PRSS33: variants seen among roughly 807,000 people sequenced by gnomAD.
PRSS33 encodes serine protease 33.
In PRSS33, 32 loss-of-function variants were observed where a neutral mutation model predicts 26.7. The observed-to-expected ratio is 1.20, with a 90% CI of 0.90 to 1.61. PRSS33 has a LOEUF of 1.61. PRSS33 is among the 40% of genes most tolerant of loss of function. The pLI is 0.00. For missense variants in PRSS33, 450 were observed against 396.3 expected, an observed-to-expected ratio of 1.14 and a Z score of -1.15; for synonymous variants, 192 against 177.6, an observed-to-expected ratio of 1.08 and a Z score of -0.64.
At chr16:2,785,774 G>A (rs752284008) in intron 4 of PRSS33, 25 bp downstream of exon 4, 3 of 1,565,236 alleles carry the variant, frequency 1.9e-6, no homozygotes, top group Non-Finnish European at 2.6e-6. Flanking sequence ...TGCACACCCC[G>A]CCTGGGCCCT....
chr16:2,785,306 G>A (rs1283046635), intron 5 of PRSS33, 69 bp downstream of exon 5: 10 of 1,454,408 alleles, frequency 6.9e-6, no homozygotes, highest in Non-Finnish European at 8.1e-6. Flanking sequence ...GAGGGGCTGG[G>A]ATTTCCAGTC....
chr16:2,785,436 G>A lies in PRSS33; in HGVS notation c.453C>T (p.Gly151=). ...ATGGTGTGCCGGGCGGCGGGCGGGCGCCGGGCACGGGCAGGCAGACGGGTT... is the reference window on the plus strand; with the variant it reads ...ATGGTGTGCCGGGCGGCGGGCGGGCACCGGGCACGGGCAGGCAGACGGGTT... ...RVQPVCLPVP[G]ARPPPGTPCR... is the part of the protein sequence containing the mutation. Residue 151 remains glycine (G), a synonymous_variant, in exon 5 of 7, where the codon GGC becomes GGT. Transcript: ENST00000682474. The A allele has an allele frequency of 2.0e-6, 3 of 1,471,938 alleles. No individual in the cohort carries two copies. Among genetic ancestry groups the A allele is most frequent in the South Asian group, 1.3e-5 (1 of 75,686 alleles). The allele number at this position is 1,471,938 out of a possible 1,614,324, so 91.2% of individuals were successfully genotyped here. A position where few individuals can be genotyped will look rare whatever the true frequency, so the allele number is the denominator to read the frequency against.
chr16:2,786,155 A>G (rs969297587), intron 2 of PRSS33, 34 bp from the exon 3 acceptor site: 26 of 1,588,470 alleles, frequency 1.6e-5, no homozygotes, highest in Non-Finnish European at 2.2e-5. Context: ...ACCAGATTAT[A>G]GATTTGGTGT....
intron 3 of PRSS33, 61 bp from the exon 4 acceptor site, chr16:2,786,022 T>C: frequency 6.2e-7 from 1 of 1,611,712 alleles, no homozygotes; most frequent in Non-Finnish European, 8.5e-7. Flanking sequence ...GAGGCAGGTG[T>C]TGGTGGGGAG....
In PRSS33 at chr16:2,785,128, C is replaced by A. The variant is rs1378134140; in HGVS notation, c.558G>T (p.Pro186=). Residue 186 remains proline, a synonymous_variant, in exon 6 of 7, where the codon CCG becomes CCT. Transcript: ENST00000682474. ...CGTCGCAGGTGCGCGAGTCCAGCAGCGGCACCCTTACTCCTTGTAGCGGTC... is the reference window on the plus strand; with the variant it reads ...CGTCGCAGGTGCGCGAGTCCAGCAGAGGCACCCTTACTCCTTGTAGCGGTC... ...EWRPLQGVRV[P]LLDSRTCDGL... 2 of 1,545,200 alleles carry A rather than the reference C, an allele frequency of 1.3e-6. No individual in the cohort carries two copies. The highest frequency in any genetic ancestry group is 1.7e-6 in the Non-Finnish European group (2 of 1,147,936).
chr16:2,785,273 G>T, intron 5 of PRSS33, 102 bp from the exon 6 acceptor site: 1 of 1,445,780 alleles, frequency 6.9e-7, no homozygotes, highest in Non-Finnish European at 9.2e-7. Context: ...TAGAAGCCGC[G>T]CTGGGTCCTG....
chr16:2,786,592 C>A lies in PRSS33; in HGVS notation c.-45G>T. ...TGGGTAAGGGTGGCACTGCCTAGGG[C>A]TTGGACTCTGGTCTGGAGCCAGCAG... On this transcript the variant is annotated 5_prime_UTR_variant, in exon 2 of 7. Transcript: ENST00000682474. 3.1e-6 allele frequency: 5 copies of A among 1,609,330 alleles called. No homozygotes were observed. The highest frequency in any genetic ancestry group is 4.2e-6 in the Non-Finnish European group (5 of 1,177,070).
rs769106014 is a variant in PRSS33, at chr16:2,786,490, G to GTT, written c.46+11_46+12insAA. 1 of 1,613,018 alleles carries GTT rather than the reference G, an allele frequency of 6.2e-7. No homozygotes were observed. Among genetic ancestry groups the GTT allele is most frequent in the Admixed American group, 1.7e-5 (1 of 59,946 alleles). ...TCTGCGGCCCTCACCCCCAGTCCCT[G>GTT]TCCCCACTCACCCAGCACCAGAAGG... On this transcript the variant is annotated intron_variant, in intron 2 of 6. Coordinates refer to ENST00000682474, the MANE Select transcript of PRSS33 (RefSeq NM_152891.3).
In PRSS33 at chr16:2,786,140, A is replaced by G; in HGVS notation, c.47-19T>C. On this transcript the variant is annotated intron_variant, in intron 2 of 6. Transcript: ENST00000682474. ...GCAGCTCCTGGAGGAGGAAGCAGGGAAGGGACCAGATTATAGATTTGGTGT... is the reference window on the plus strand; with the variant it reads ...GCAGCTCCTGGAGGAGGAAGCAGGGGAGGGACCAGATTATAGATTTGGTGT... 6.2e-7 allele frequency: 1 copy of G among 1,609,196 alleles called. No homozygotes were observed. The highest frequency in any genetic ancestry group is 8.5e-7 in the Non-Finnish European group (1 of 1,175,902).
At chr16:2,787,727 C>T (rs2068894248), upstream of PRSS33, 1 of 152,470 alleles carries the variant, frequency 6.6e-6, no homozygotes, top group South Asian at 2.1e-4. Context: ...ATGGGTTTCT[C>T]AAAGGAAGCC....
At position 2,786,592 on chromosome 16, in the gene PRSS33, C is replaced by T. The variant is rs2150790454; in HGVS notation, c.-45G>A. On this transcript the variant is annotated 5_prime_UTR_variant, in exon 2 of 7. Transcript: ENST00000682474. ...TGGGTAAGGGTGGCACTGCCTAGGG[C>T]TTGGACTCTGGTCTGGAGCCAGCAG... The T allele has an allele frequency of 6.2e-7, 1 of 1,609,330 alleles. No individual in the cohort carries two copies. Among genetic ancestry groups the T allele is most frequent in the African/African-American group, 1.3e-5 (1 of 74,864 alleles).
chr16:2,786,055 G>T (rs763526155), intron 3 of PRSS33, 34 bp downstream of exon 3: 32 of 1,612,826 alleles, frequency 2.0e-5, no homozygotes, highest in Non-Finnish European at 2.6e-5. Context: ...GGTCCAGGAG[G>T]GGCTGACTCG....
At chr16:2,786,323 C>T (rs1044381683) in intron 2 of PRSS33, among the ~76,000 whole-genome samples, 179 bp downstream of exon 2, 37 of 152,120 alleles carry the variant, frequency 2.4e-4, no homozygotes, top group African/African-American at 8.0e-4. Context: ...AGCATGACAC[C>T]GACAAGCACA....
intron 2 of PRSS33, 126 bp downstream of exon 2, chr16:2,786,376 G>A (rs925510254): frequency 1.3e-5 from 15 of 1,142,270 alleles, no homozygotes; most frequent in South Asian, 5.7e-5. Flanking sequence ...AGAGGATTGA[G>A]CCCTTGGAAT....
chr16:2,786,114 A>G lies in PRSS33; in HGVS notation c.54T>C (p.Ala18=). ...CTGCAGACTTCCTTCCCTGAGTCCC[A>G]GCAGCTCCTGGAGGAGGAAGCAGGG... ...QVLLLLVLGA[A]GTQGRKSAAC... Residue 18 remains alanine, a synonymous_variant, in exon 3 of 7, where the codon GCT becomes GCC. Transcript: ENST00000682474. The G allele has an allele frequency of 6.2e-7, 1 of 1,613,500 alleles. No individual in the cohort carries two copies. Among genetic ancestry groups the G allele is most frequent in the Non-Finnish European group, 8.5e-7 (1 of 1,179,758 alleles).
In PRSS33 at chr16:2,785,484, CG is replaced by C; in HGVS notation, c.404del (p.Pro135ArgfsTer4). On this transcript the variant is annotated frameshift_variant, in exon 5 of 7. Coordinates refer to ENST00000682474, the MANE Select transcript of PRSS33 (RefSeq NM_152891.3). LOFTEE classifies it high-confidence loss of function. ...GTTGGACGCGAGCGCTCAGGGGCAC[CG>C]GGCGACGCAGCTGCAGCAGTGCCAG... ...GDLALLQLRR[P>X]VPLSARVQPV... 6.6e-7 allele frequency: 1 copy of C among 1,517,170 alleles called. No homozygotes were observed. 94.0% of individuals were successfully genotyped at this position (1,517,170 alleles called of 1,614,324 possible).
chr16:2,785,532 G>T lies in PRSS33; in HGVS notation c.357C>A (p.Ser119=). 1 of 1,525,274 alleles carries T rather than the reference G, an allele frequency of 6.6e-7. No homozygotes were observed. Among genetic ancestry groups the T allele is most frequent in the Non-Finnish European group, 8.7e-7 (1 of 1,143,476 alleles). The allele number at this position is 1,525,274 out of a possible 1,614,324, so 94.5% of individuals were successfully genotyped here. The part of the protein sequence containing the change: ...VRRVLLPPDY[S]EDGARGDLAL... The stretch of plus-strand genomic sequence containing the variant: ...CCAGGTCGCCGCGGGCCCCGTCCTC[G>T]GAGTAGTCCGGGGGCAGCAGCACCC... Residue 119 remains serine (S), a synonymous_variant, in exon 5 of 7, where the codon TCC becomes TCA. Transcript: ENST00000682474.
In PRSS33 at chr16:2,786,598, CTCTGG is replaced by C; in HGVS notation, c.-56_-52del. 27 of 1,607,032 alleles carry C rather than the reference CTCTGG, an allele frequency of 1.7e-5. No individual in the cohort carries two copies. Among genetic ancestry groups the C allele is most frequent in the Non-Finnish European group, 2.0e-5 (23 of 1,175,344 alleles). On this transcript the variant is annotated splice_region_variant and 5_prime_UTR_variant, in exon 2 of 7. Transcript: ENST00000682474. Reference sequence around the variant, plus strand: ...AGGGTGGCACTGCCTAGGGCTTGGACTCTGGTCTGGAGCCAGCAGGGAGAAGAGAG... The same window carrying C: ...AGGGTGGCACTGCCTAGGGCTTGGACTCTGGAGCCAGCAGGGAGAAGAGAG...
chr16:2,784,364 A>C lies in PRSS33; in HGVS notation c.*280T>G. The stretch of plus-strand genomic sequence containing the variant: ...GCGTGCCTTGCGCCCAGCCCTGGCC[A>C]GGGCCAAGAAAAGTAAATACAAGCC... On this transcript the variant is annotated 3_prime_UTR_variant, in exon 7 of 7. Transcript: ENST00000682474. 2 of 312,654 alleles carry C rather than the reference A, an allele frequency of 6.4e-6. No homozygotes were observed. Among genetic ancestry groups the C allele is most frequent in the Non-Finnish European group, 6.0e-6 (1 of 165,946 alleles). 19.4% of individuals were successfully genotyped at this position (312,654 alleles called of 1,614,324 possible).
Sources: gnomAD v4.1 joint callset for allele counts (sites outside exome capture counted in the v4.1 genomes callset) on GRCh38, gnomAD v4.1.1 for gene constraint, MANE v1.5 for transcripts, NCBI Gene and HGNC (gene_info 2026-07-23, HGNC 2026-07-21) for gene names.